The following BARHL1 variants were observed in gnomAD, a reference collection of about 807,000 sequenced individuals.
The protein encoded by BARHL1 is barH-like 1 homeobox protein.
A neutral mutation model predicts 20.1 loss-of-function variants in BARHL1; 2 were observed. That is an observed-to-expected ratio of 0.10 (90% CI 0.04 to 0.31). BARHL1 has a LOEUF of 0.31. BARHL1 is among the 10% of genes least tolerant of loss of function. The pLI, the probability that BARHL1 is intolerant of heterozygous loss-of-function variation, is 1.00. For missense variants in BARHL1, 397 were observed against 454.0 expected, an observed-to-expected ratio of 0.87 and a Z score of 1.14; for synonymous variants, 213 against 209.9, an observed-to-expected ratio of 1.01 and a Z score of -0.13.
intron 2 of BARHL1, among the ~76,000 whole-genome samples, chr9:132,588,126 G>A (rs1830163125): frequency 6.6e-6 from 1 of 152,194 alleles, no homozygotes. Context: ...CTGGGAAGTG[G>A]GTGTTGGGGC....
At chr9:132,588,526 C>T (rs1450251506) in intron 2 of BARHL1, among the ~76,000 whole-genome samples, 4 of 152,146 alleles carry the variant, frequency 2.6e-5, no homozygotes, top group Non-Finnish European at 5.9e-5. Flanking sequence ...GTCCGCCTAG[C>T]CTCACCTGCA....
chr9:132,584,140 A>C (rs761457862), intron 1 of BARHL1, among the ~76,000 whole-genome samples: 15 of 151,738 alleles, frequency 9.9e-5, no homozygotes, highest in Non-Finnish European at 2.2e-4. Flanking sequence ...GAAGGAAGGA[A>C]GGAAGGAAGG....
intron 1 of BARHL1, among the ~76,000 whole-genome samples, chr9:132,586,010 A>T (rs893665054): frequency 7.2e-5 from 11 of 152,238 alleles, no homozygotes. Flanking sequence ...ATGCCCAAAT[A>T]TGGGGAGCCC....
chr9:132,586,243 C>T (rs993930895), intron 1 of BARHL1, among the ~76,000 whole-genome samples: 3 of 152,218 alleles, frequency 2.0e-5, no homozygotes, highest in African/African-American at 4.8e-5. Flanking sequence ...AGCTGAACCC[C>T]GTCACTGCAA....
chr9:132,589,282 C>A lies in BARHL1; in HGVS notation c.744C>A (p.Gly248=). The part of the protein sequence containing the change: ...AVGLELLAEA[G]NYSALQRMFP... ...GGTTGGAGCTGCTGGCGGAGGCAGG[C>A]AATTACTCAGCGCTCCAGCGGATGT... Residue 248 remains glycine (G), a synonymous_variant, in exon 3 of 3, where the codon GGC becomes GGA. Transcript: ENST00000263610. 1 of 1,613,212 alleles carries A rather than the reference C, an allele frequency of 6.2e-7. No homozygotes were observed. The highest frequency in any genetic ancestry group is 2.2e-5 in the East Asian group (1 of 44,854).
Position 132,582,726 on chromosome 9 carries a change from G to C in BARHL1, c.-72G>C. The C allele has an allele frequency of 7.4e-7, 1 of 1,350,620 alleles. No individual in the cohort carries two copies. The highest frequency in any genetic ancestry group is 1.0e-6 in the Non-Finnish European group (1 of 990,814). 83.7% of individuals were successfully genotyped at this position (1,350,620 alleles called of 1,614,324 possible). A position where few individuals can be genotyped will look rare whatever the true frequency, so the allele number is the denominator to read the frequency against. On this transcript the variant is annotated 5_prime_UTR_variant, in exon 1 of 3. Coordinates refer to ENST00000263610, the MANE Select transcript of BARHL1 (RefSeq NM_020064.4). ...CTTCCCCATGCCAGCCCGCAGCTAG[G>C]GGCAGGGGCAGCGGCGGCTGGGGTT...
At position 132,582,684 on chromosome 9, in the gene BARHL1, G is replaced by T; in HGVS notation, c.-114G>T. On this transcript the variant is annotated 5_prime_UTR_variant, in exon 1 of 3. Coordinates refer to ENST00000263610, the MANE Select transcript of BARHL1 (RefSeq NM_020064.4). Reference sequence around the variant, plus strand: ...AGGCTGAACTCCGTCCAAGGTGCCCGCAGGCTCCCTGCCCGCCTTCCCCAT... The same window carrying T: ...AGGCTGAACTCCGTCCAAGGTGCCCTCAGGCTCCCTGCCCGCCTTCCCCAT... 1 of 995,792 alleles carries T rather than the reference G, an allele frequency of 1.0e-6. No individual in the cohort carries two copies. Among genetic ancestry groups the T allele is most frequent in the Non-Finnish European group, 1.5e-6 (1 of 684,350 alleles). 61.7% of individuals were successfully genotyped at this position (995,792 alleles called of 1,614,324 possible). A position where few individuals can be genotyped will look rare whatever the true frequency, so the allele number is the denominator to read the frequency against.
rs1364618077 is a variant in BARHL1 at position 132,587,325 on chromosome 9, G to T, written c.467-4G>T. On this transcript the variant is annotated splice_polypyrimidine_tract_variant and splice_region_variant and intron_variant, in intron 1 of 2. Transcript: ENST00000263610. This position sits in a 1 kb window ranked among gnomAD's most constrained non-coding sequence, Gnocchi z 5.5. ...CGGGCCCTGACATGCCGCTGTGTCC[G>T]CAGTGAAGGAGGAGGGCGACCGCGA... 5.6e-6 allele frequency: 9 copies of T among 1,596,006 alleles called. No homozygotes were observed. Among genetic ancestry groups the T allele is most frequent in the Non-Finnish European group, 7.7e-6 (9 of 1,173,776 alleles).
At chr9:132,584,413 G>A (rs971831378) in intron 1 of BARHL1, among the ~76,000 whole-genome samples, 2 of 152,162 alleles carry the variant, frequency 1.3e-5, no homozygotes, top group Non-Finnish European at 2.9e-5. Flanking sequence ...TTGATTCCCA[G>A]AAATCTTTTC....
At chr9:132,586,959 G>A (rs1481001669) in intron 1 of BARHL1, among the ~76,000 whole-genome samples, 6 of 152,270 alleles carry the variant, frequency 3.9e-5, no homozygotes, top group Non-Finnish European at 8.8e-5. Flanking sequence ...GAAACCCTGG[G>A]TCCCTTCCCC....
chr9:132,582,876 C>T lies in BARHL1; in HGVS notation c.79C>T (p.Pro27Ser), dbSNP rs147143563. Residue 27 changes from proline (P) to serine (S), a missense_variant, in exon 1 of 3, where the codon CCC (proline) becomes TCC (serine). Pro to Ser is a moderately conservative substitution (Grantham distance 74). Around this residue, in one of 3 missense-constraint regions of BARHL1, gnomAD observed 272 missense variants for 298.7 expected, o/e 0.91. Transcript: ENST00000263610. ...CAGCCCCGCCCTTCCCAAGGGGGAC[C>T]CCTTGCTCGGGGACTGCCGTTCGCC... ...AGSPALPKGDPLLGDCRSPLE... is the reference protein window; with the variant it reads ...AGSPALPKGDSLLGDCRSPLE... 8.1e-6 allele frequency: 13 copies of T among 1,613,020 alleles called. No individual in the cohort carries two copies. The highest frequency in any genetic ancestry group is 2.2e-5 in the East Asian group (1 of 44,858).
At chr9:132,585,742 G>A (rs1830137015) in intron 1 of BARHL1, among the ~76,000 whole-genome samples, 1 of 152,202 alleles carries the variant, frequency 6.6e-6, no homozygotes, top group Admixed American at 6.5e-5. Context: ...CCACGCTGGA[G>A]GGGGAACAGA....
rs761359606 is a variant in BARHL1, at chr9:132,587,368, A to T, written c.506A>T (p.Asp169Val). 9 of 1,610,908 alleles carry T rather than the reference A, an allele frequency of 5.6e-6. No individual in the cohort carries two copies. The highest frequency in any genetic ancestry group is 7.6e-6 in the Non-Finnish European group (9 of 1,179,434). Residue 169 changes from aspartate to valine, a missense_variant, in exon 2 of 3, where the codon GAC becomes GTC. Physicochemically the swap from Asp to Val is radical, Grantham distance 152 (BLOSUM62 -3). Around this residue, in one of 3 missense-constraint regions of BARHL1, gnomAD observed 272 missense variants for 298.7 expected, o/e 0.91. Transcript: ENST00000263610. The surrounding 1 kb of genome is among the most constrained non-coding windows in gnomAD (Gnocchi z 5.5). Reference sequence around the variant, plus strand: ...GACCGCGAGATCTCCAGCTCCAGGGACAGTCCCCCGGTGCGCCTGAAAAAG... The same window carrying T: ...GACCGCGAGATCTCCAGCTCCAGGGTCAGTCCCCCGGTGCGCCTGAAAAAG... ...EGDREISSSR[D>V]SPPVRLKKPR... is the part of the protein sequence containing the mutation.
intron 1 of BARHL1, 58 bp downstream of exon 1, chr9:132,583,321 T>G (rs1231572672): frequency 6.9e-7 from 1 of 1,445,016 alleles, no homozygotes; most frequent in Non-Finnish European, 9.4e-7. Flanking sequence ...AACTGACATT[T>G]AAAAGGAATA....
At position 132,589,810 on chromosome 9, in the gene BARHL1, C is replaced by G; in HGVS notation, c.*288C>G. 3.3e-6 allele frequency: 1 copy of G among 307,254 alleles called. No individual in the cohort carries two copies. Among genetic ancestry groups the G allele is most frequent in the Admixed American group, 5.2e-5 (1 of 19,354 alleles). The allele number at this position is 307,254 out of a possible 1,614,324, so 19.0% of individuals were successfully genotyped here. ...ACGCGTCTCTGCCACTCCCCACCCCCAGCCTCTGCCGGCTCCCCTAGGCAA... is the reference window on the plus strand; with the variant it reads ...ACGCGTCTCTGCCACTCCCCACCCCGAGCCTCTGCCGGCTCCCCTAGGCAA... On this transcript the variant is annotated 3_prime_UTR_variant, in exon 3 of 3. Coordinates refer to ENST00000263610, the MANE Select transcript of BARHL1 (RefSeq NM_020064.4).
chr9:132,582,956 TC>T lies in BARHL1; in HGVS notation c.161del (p.Pro54GlnfsTer44). The T allele has an allele frequency of 6.2e-7, 1 of 1,613,888 alleles. No individual in the cohort carries two copies. Among genetic ancestry groups the T allele is most frequent in the Non-Finnish European group, 8.5e-7 (1 of 1,179,960 alleles). ...GCAGCGACTGCTCTTCGCCAGCCTCTCCAGGAAGGGACTGTTTGGAGACGGG... is the reference window on the plus strand; with the variant it reads ...GCAGCGACTGCTCTTCGCCAGCCTCTCAGGAAGGGACTGTTTGGAGACGGG... Reference protein sequence around the residue: ...SSSDCSSPASPGRDCLETGTP... With the variant: ...SSSDCSSPASXGRDCLETGTP... On this transcript the variant is annotated frameshift_variant, in exon 1 of 3. Transcript: ENST00000263610. LOFTEE classifies it high-confidence loss of function.
chr9:132,585,090 A>G (rs1424990635), intron 1 of BARHL1, among the ~76,000 whole-genome samples: 1 of 152,148 alleles, frequency 6.6e-6, no homozygotes, highest in Non-Finnish European at 1.5e-5. Flanking sequence ...GATAATTAGA[A>G]TATCAATTTT....
rs1830156195 is a variant in BARHL1 at position 132,587,457 on chromosome 9, C to T, written c.595C>T (p.Arg199Trp). 6.2e-7 allele frequency: 1 copy of T among 1,612,316 alleles called. No individual in the cohort carries two copies. The highest frequency in any genetic ancestry group is 1.3e-5 in the African/African-American group (1 of 74,930). Residue 199 changes from arginine (R) to tryptophan (W), a missense_variant, in exon 2 of 3, where the codon CGG becomes TGG. Physicochemically the swap from Arg to Trp is moderately radical, Grantham distance 101. Coordinates refer to ENST00000263610, the MANE Select transcript of BARHL1 (RefSeq NM_020064.4). This position sits in a 1 kb window ranked among gnomAD's most constrained non-coding sequence, Gnocchi z 5.5. ...GGCGCAGCTGGAGCGCAGCTTCGAG[C>T]GGCAGAAGTACCTGAGCGTGCAGGA... ...QLAQLERSFE[R>W]QKYLSVQDRM... is the part of the protein sequence containing the mutation.
Position 132,587,500 on chromosome 9 carries a change from C to T in BARHL1, c.638C>T (p.Ala213Val). ...GTGCAGGACCGCATGGAGCTCGCCG[C>T]CTCGCTCAACCTCACCGACACGCAG... is the stretch of plus-strand genomic sequence containing the variant. ...LSVQDRMELAASLNLTDTQVK... is the reference protein window; with the variant it reads ...LSVQDRMELAVSLNLTDTQVK... The change falls in exon 2 of 3, where the codon GCC (alanine) becomes GTC (valine). Residue 213 changes from alanine to valine, a missense_variant. Physicochemically the swap from Ala to Val is moderately conservative, Grantham distance 64. Coordinates refer to ENST00000263610, the MANE Select transcript of BARHL1 (RefSeq NM_020064.4). This position sits in a 1 kb window ranked among gnomAD's most constrained non-coding sequence, Gnocchi z 5.5. 1 of 1,612,628 alleles carries T rather than the reference C, an allele frequency of 6.2e-7. No individual in the cohort carries two copies.
Sources: gnomAD v4.1 joint callset for allele counts (sites outside exome capture counted in the v4.1 genomes callset) on GRCh38, gnomAD v4.1.1 for gene constraint, gnomAD v4.1.1 regional missense constraint, Gnocchi (gnomAD v3.1) non-coding constraint, MANE v1.5 for transcripts, NCBI Gene and HGNC (gene_info 2026-07-23, HGNC 2026-07-21) for gene names.